Variants in AMPD3 observed in about 807,000 individuals in gnomAD.
AMPD3 encodes adenosine monophosphate deaminase 3.
AMPD3 carries 57 observed loss-of-function variants against 82.3 expected under a neutral mutation model. The ratio of observed to expected loss-of-function variants is 0.69; its 90% CI spans 0.56 to 0.86. The LOEUF (loss-of-function observed/expected upper bound fraction) is 0.86, where lower values mean the gene tolerates loss of function less well. Among genes scored for constraint, AMPD3 ranks in the 40% least tolerant of loss-of-function variants. The probability of loss-of-function intolerance (pLI) is 0.00; values close to 1 mark genes in which losing one functional copy is unlikely to be tolerated. For missense variants in AMPD3, 870 were observed against 1,003.8 expected, an observed-to-expected ratio of 0.87 and a Z score of 1.80; for synonymous variants, 381 against 394.7, an observed-to-expected ratio of 0.97 and a Z score of 0.41.
Position 10,501,519 on chromosome 11 carries a change from G to A in AMPD3, c.1771G>A (p.Gly591Ser), listed in dbSNP as rs142086203. ...GTTCCGGCCGCACTGTGGGGAAGCCGGCTCCATCACCCACCTGGTGTCTGC... is the reference window on the plus strand; with the variant it reads ...GTTCCGGCCGCACTGTGGGGAAGCCAGCTCCATCACCCACCTGGTGTCTGC... ...FLFRPHCGEA[G>S]SITHLVSAFL... Residue 591 changes from glycine to serine, a missense_variant, in exon 12 of 15, where the codon GGC becomes AGC. By Grantham distance (56) the Gly-to-Ser change is moderately conservative (BLOSUM62 0). Transcript: ENST00000396553. 122 of 1,614,124 alleles carry A rather than the reference G, an allele frequency of 7.6e-5. No individual in the cohort carries two copies. The African/African-American group carries it at 1.1e-3, about 14-fold the overall frequency.
At chr11:10,476,015 G>A (rs1355907338) in intron 2 of AMPD3, among the ~76,000 whole-genome samples, 10 of 152,168 alleles carry the variant, frequency 6.6e-5, no homozygotes, top group Non-Finnish European at 1.5e-4. Flanking sequence ...AGCCCACCCA[G>A]ACTTCTCACC....
rs1337058314 is a variant in AMPD3 at position 10,487,252 on chromosome 11, G to A, written c.827G>A (p.Arg276Gln). 7.4e-6 allele frequency: 12 copies of A among 1,614,140 alleles called. No homozygotes were observed. Among genetic ancestry groups the A allele is most frequent in the South Asian group, 1.1e-5 (1 of 91,074 alleles). The change falls in exon 6 of 15, where the codon CGG becomes CAG. Residue 276 changes from arginine (R) to glutamine (Q), a missense_variant. By Grantham distance (43) the Arg-to-Gln change is conservative. Coordinates refer to ENST00000396553, the MANE Select transcript of AMPD3 (RefSeq NM_001025389.2). ...TDGPTKTYCHRRLNFLESKFS... is the reference protein window; with the variant it reads ...TDGPTKTYCHQRLNFLESKFS... ...ACTTGCAGGAAAACCTATTGTCACC[G>A]GCGACTGAACTTTCTGGAATCCAAG...
intron 1 of AMPD3, chr11:10,461,268 A>G: frequency 6.9e-7 from 1 of 1,440,488 alleles, no homozygotes; most frequent in Non-Finnish European, 9.2e-7. Context: ...CACCTAGTTG[A>G]ACAGTTCATT....
rs1364348312 is a variant in AMPD3 at position 10,456,460 on chromosome 11, G to A, written c.-6+1012G>A. ...GCAAGAGTAGGAACCAGCTTCCTTC[G>A]TATAACGAGGGGATTTCAGTGGCAC... On this transcript the variant is annotated intron_variant, in intron 1 of 14. Coordinates refer to ENST00000396553, the MANE Select transcript of AMPD3 (RefSeq NM_001025389.2). This position sits in a 1 kb window ranked among gnomAD's most constrained non-coding sequence, Gnocchi z 4.3. The A allele has an allele frequency of 4.3e-6, 7 of 1,613,592 alleles. No homozygotes were observed. Among genetic ancestry groups the A allele is most frequent in the Admixed American group, 1.7e-5 (1 of 60,000 alleles).
At position 10,477,490 on chromosome 11, in the gene AMPD3, A is replaced by G. The variant is rs188040714; in HGVS notation, c.222-1036A>G. ...TTCTGCAGAAGAGACTTGCAGTGAC[A>G]TAATCTGATGTCTGTTTCATGAATG... On this transcript the variant is annotated intron_variant, in intron 2 of 14. Coordinates refer to ENST00000396553, the MANE Select transcript of AMPD3 (RefSeq NM_001025389.2). Among the ~76,000 whole-genome samples, 18 of 152,324 alleles carry G rather than the reference A, an allele frequency of 1.2e-4. No homozygotes were observed. In the East Asian group the frequency reaches 3.3e-3, roughly 28 times the overall value.
upstream of AMPD3, among the ~76,000 whole-genome samples, chr11:10,453,333 C>T (rs1001264806): frequency 6.6e-6 from 1 of 152,228 alleles, no homozygotes; most frequent in South Asian, 2.1e-4. Context: ...AGCTAGTTCA[C>T]TTGTTCATTG....
intron 2 of AMPD3, among the ~76,000 whole-genome samples, chr11:10,463,637 A>G (rs1848334220): frequency 6.6e-6 from 1 of 152,250 alleles, no homozygotes; most frequent in Non-Finnish European, 1.5e-5. Context: ...ACCAGTTTCC[A>G]CTACAGAGTG....
intron 1 of AMPD3, among the ~76,000 whole-genome samples, chr11:10,460,526 C>G (rs1848238328): frequency 6.6e-6 from 1 of 151,698 alleles, no homozygotes; most frequent in South Asian, 2.1e-4. Flanking sequence ...CTTGCCTCAG[C>G]CTCCTGAGCA....
In AMPD3 at chr11:10,456,159, C is replaced by A; in HGVS notation, c.-6+711C>A. ...GGGATTACCTGGGGACTTCAGGGCT[C>A]TTGGAAATTTTCCACTCATATTTCA... is the stretch of plus-strand genomic sequence containing the variant. On this transcript the variant is annotated intron_variant, in intron 1 of 14. Transcript: ENST00000396553. The surrounding 1 kb of genome is among the most constrained non-coding windows in gnomAD (Gnocchi z 4.3). The A allele has an allele frequency of 1.4e-6, 2 of 1,396,910 alleles. No individual in the cohort carries two copies. Among genetic ancestry groups the A allele is most frequent in the East Asian group, 2.6e-5 (1 of 37,904 alleles). The allele number at this position is 1,396,910 out of a possible 1,614,324, so 86.5% of individuals were successfully genotyped here.
chr11:10,474,618 A>G (rs1003091128), intron 2 of AMPD3, among the ~76,000 whole-genome samples: 1 of 152,342 alleles, frequency 6.6e-6, no homozygotes, highest in South Asian at 2.1e-4. Flanking sequence ...ACAACAGCCC[A>G]GGTGACCTGA....
intron 2 of AMPD3, among the ~76,000 whole-genome samples, chr11:10,466,218 C>T (rs925502650): frequency 6.6e-6 from 1 of 151,592 alleles, no homozygotes; most frequent in African/African-American, 2.4e-5. Flanking sequence ...TCTGAGATCG[C>T]ACCATTGCAC....
At chr11:10,472,950 G>T (rs548139603) in intron 2 of AMPD3, among the ~76,000 whole-genome samples, 3 of 152,114 alleles carry the variant, frequency 2.0e-5, no homozygotes, top group Admixed American at 2.0e-4. Flanking sequence ...GTTTCAGAAA[G>T]CCAAGATCAC....
At chr11:10,455,210 C>T (rs1052425299), upstream of AMPD3, 6 of 985,358 alleles carry the variant, frequency 6.1e-6, no homozygotes, top group African/African-American at 1.7e-5. Context: ...TTTCCCAGGA[C>T]CACAGGATTT....
At chr11:10,497,087 G>T in intron 10 of AMPD3, 149 bp downstream of exon 10, 1 of 1,057,310 alleles carries the variant, frequency 9.5e-7, no homozygotes. Flanking sequence ...CCAGCCCCAA[G>T]AAGCTAGATT....
At chr11:10,500,504 A>T in intron 11 of AMPD3, 1 of 708,260 alleles carries the variant, frequency 1.4e-6, no homozygotes, top group Non-Finnish European at 1.7e-6. Flanking sequence ...TGTCATGTAC[A>T]GTATGCAATG....
chr11:10,471,182 T>C (rs1213065635), intron 2 of AMPD3, among the ~76,000 whole-genome samples: 1 of 152,218 alleles, frequency 6.6e-6, no homozygotes, highest in Non-Finnish European at 1.5e-5. Flanking sequence ...ATCTGATCTT[T>C]GACAAACCTG....
intron 13 of AMPD3, chr11:10,504,215 A>G: frequency 1.0e-6 from 1 of 985,284 alleles, no homozygotes; most frequent in Non-Finnish European, 1.2e-6. Context: ...AAGAAAAGCT[A>G]GAGGGCAAGT....
At chr11:10,471,773 C>T (rs1327822982) in intron 2 of AMPD3, among the ~76,000 whole-genome samples, 7 of 152,068 alleles carry the variant, frequency 4.6e-5, no homozygotes, top group African/African-American at 9.7e-5. Flanking sequence ...GTTAGAATGG[C>T]GATCATTAAA....
chr11:10,450,991 A>G (rs755319044), upstream of AMPD3: 5 of 1,570,038 alleles, frequency 3.2e-6, no homozygotes, highest in African/African-American at 1.4e-5. Flanking sequence ...CCTTTGCTCC[A>G]GCCCTGCGGC....
Sources: allele counts gnomAD v4.1 joint callset (sites outside exome capture counted in the v4.1 genomes callset), GRCh38; gene constraint gnomAD v4.1.1; non-coding constraint Gnocchi (gnomAD v3.1); transcripts MANE v1.5; gene names NCBI Gene and HGNC (gene_info 2026-07-23, HGNC 2026-07-21).